The following BTBD8 variants were observed in gnomAD, a reference collection of about 807,000 sequenced individuals.
The protein encoded by BTBD8 is BTB/POZ domain-containing protein 8.
Under a neutral mutation model 162.9 loss-of-function variants are expected in BTBD8, and 110 were observed. The observed-to-expected ratio is 0.68, with a 90% confidence interval of 0.58 to 0.79. The LOEUF is 0.79. BTBD8 is among the 30% of genes least tolerant of loss of function. BTBD8 has a pLI of 0.00. For synonymous variants in BTBD8, 667 were observed against 716.1 expected (o/e 0.93, Z 1.10); for missense variants, 1,905 against 2,085.4 (o/e 0.91, Z 1.68).
chr1:92,135,322 A>G (rs1649610256), intron 5 of BTBD8, among the ~76,000 whole-genome samples: 1 of 152,214 alleles, frequency 6.6e-6, no homozygotes, highest in Non-Finnish European at 1.5e-5. Context: ...AGTAGCTGGG[A>G]TTACAGGCGT....
chr1:92,176,746 G>C (rs1650720995), intron 13 of BTBD8, 83 bp from the exon 14 acceptor site: 1 of 677,364 alleles, frequency 1.5e-6, no homozygotes, highest in Non-Finnish European at 2.2e-6. Flanking sequence ...TTTTTTCTTT[G>C]AAAGACTGGC....
rs1418468024 is a variant in BTBD8 at position 92,180,881 on chromosome 1, T to C, written c.3198T>C (p.Asp1066=). 2 of 1,551,702 alleles carry C rather than the reference T, an allele frequency of 1.3e-6. No homozygotes were observed. The highest frequency in any genetic ancestry group is 8.7e-7 in the Non-Finnish European group (1 of 1,146,982). ...ATCACAAAGAAACAGATGATTGCGA[T>C]GCAGCTAACATATGTTGTCATTCTG... is the stretch of plus-strand genomic sequence containing the variant. ...FPNHKETDDC[D]AANICCHSVG... The change falls in exon 17 of 18, where the codon GAT becomes GAC. Residue 1066 remains aspartate, a synonymous_variant. Coordinates refer to ENST00000636805, the MANE Select transcript of BTBD8 (RefSeq NM_001376131.1).
intron 4 of BTBD8, chr1:92,115,854 T>C (rs1357012458): frequency 6.2e-6 from 1 of 160,396 alleles, no homozygotes; most frequent in Non-Finnish European, 1.4e-5. Context: ...AAGGAGCAGA[T>C]GGCAAGGTTC....
rs1386589722 is a variant in BTBD8, at chr1:92,184,469, A to G, written c.*139A>G. The G allele has an allele frequency of 3.7e-6, 2 of 542,350 alleles. No homozygotes were observed. Among genetic ancestry groups the G allele is most frequent in the Non-Finnish European group, 6.3e-6 (2 of 315,406 alleles). The allele number at this position is 542,350 out of a possible 1,614,324, so 33.6% of individuals were successfully genotyped here. On this transcript the variant is annotated 3_prime_UTR_variant, in exon 18 of 18. Coordinates refer to ENST00000636805, the MANE Select transcript of BTBD8 (RefSeq NM_001376131.1). The stretch of plus-strand genomic sequence containing the variant: ...CAATTTAATGAGGTAAACATAGTTT[A>G]TTTATTAATATATCACATATAGAAA...
intron 1 of BTBD8, among the ~76,000 whole-genome samples, chr1:92,081,403 A>T (rs1258332200): frequency 6.6e-6 from 1 of 152,218 alleles, no homozygotes; most frequent in Non-Finnish European, 1.5e-5. Context: ...TAGAAATATG[A>T]CCTAGCTAAT....
intron 2 of BTBD8, among the ~76,000 whole-genome samples, chr1:92,096,831 TG>T (rs765173435): frequency 3.9e-5 from 6 of 152,176 alleles, no homozygotes; most frequent in Non-Finnish European, 5.9e-5. Flanking sequence ...AGCCATAGCG[TG>T]TGGCCAATCA....
chr1:92,165,693 G>T (rs999406172), intron 9 of BTBD8, among the ~76,000 whole-genome samples: 1 of 152,038 alleles, frequency 6.6e-6, no homozygotes. Context: ...TGCCTGTGGC[G>T]GCTGCATTCA....
chr1:92,116,820 A>G (rs1478862144), intron 4 of BTBD8, among the ~76,000 whole-genome samples: 1 of 151,012 alleles, frequency 6.6e-6, no homozygotes, highest in African/African-American at 2.4e-5. Flanking sequence ...GTAATAATGT[A>G]GTTATTAATA....
rs1650856921 is a variant in BTBD8 at position 92,180,614 on chromosome 1, C to T, written c.2931C>T (p.Asn977=). 5.8e-6 allele frequency: 9 copies of T among 1,550,674 alleles called. No individual in the cohort carries two copies. The East Asian group carries it at 7.3e-5, about 13-fold the overall frequency. Residue 977 remains asparagine (N), a synonymous_variant, in exon 17 of 18, where the codon AAC becomes AAT. Transcript: ENST00000636805. The part of the protein sequence containing the change: ...KSMFHDVRDN[N]NKDSVSEQKP... ...TGTTTCATGATGTGCGTGATAATAA[C>T]AACAAGGACAGTGTTTCTGAACAGA... is the stretch of plus-strand genomic sequence containing the variant.
At chr1:92,171,113 A>G (rs1650530116) in intron 12 of BTBD8, among the ~76,000 whole-genome samples, 2 of 152,066 alleles carry the variant, frequency 1.3e-5, no homozygotes, top group South Asian at 4.1e-4. Context: ...GAAAATTCTC[A>G]TGTTTTTCTA....
chr1:92,129,340 T>C (rs1466278138), intron 4 of BTBD8, among the ~76,000 whole-genome samples: 1 of 151,948 alleles, frequency 6.6e-6, no homozygotes, highest in African/African-American at 2.4e-5. Context: ...AAAATCAAGT[T>C]GAGTGTGATA....
chr1:92,090,156 G>A (rs1263779901), intron 2 of BTBD8, among the ~76,000 whole-genome samples: 1 of 152,072 alleles, frequency 6.6e-6, no homozygotes, highest in Non-Finnish European at 1.5e-5. Context: ...TATATACCTA[G>A]GAGTGGGATT....
intron 4 of BTBD8, chr1:92,126,282 C>T: frequency 1.7e-6 from 1 of 600,258 alleles, no homozygotes; most frequent in South Asian, 1.4e-5. Context: ...AAGATTGGGG[C>T]CTTCTGATTA....
chr1:92,180,419 T>TAA lies in BTBD8; in HGVS notation c.2737_2738dup (p.Asn913LysfsTer5). On this transcript the variant is annotated frameshift_variant, in exon 17 of 18. Transcript: ENST00000636805. LOFTEE classifies it high-confidence loss of function. Reference sequence around the variant, plus strand: ...AAGTACACACAGCTTTGCCTAAGGTTAATGCAAAAATAGTGGCAATGCCTA... The same window carrying TAA: ...AAGTACACACAGCTTTGCCTAAGGTTAAAATGCAAAAATAGTGGCAATGCCTA... 6.4e-7 allele frequency: 1 copy of TAA among 1,551,478 alleles called. No individual in the cohort carries two copies. Among genetic ancestry groups the TAA allele is most frequent in the African/African-American group, 1.4e-5 (1 of 73,130 alleles).
intron 12 of BTBD8, among the ~76,000 whole-genome samples, chr1:92,169,266 A>G (rs1650469020): frequency 6.6e-6 from 1 of 152,232 alleles, no homozygotes; most frequent in African/African-American, 2.4e-5. Flanking sequence ...TTTGCTTACA[A>G]GCATTCTTGT....
intron 4 of BTBD8, among the ~76,000 whole-genome samples, chr1:92,128,025 T>C (rs1649405964): frequency 1.3e-5 from 2 of 152,236 alleles, no homozygotes; most frequent in African/African-American, 2.4e-5. Flanking sequence ...TAGCAAACTT[T>C]TTAAAAAGTG....
intron 3 of BTBD8, among the ~76,000 whole-genome samples, chr1:92,105,697 G>A (rs1245559534): frequency 6.6e-6 from 1 of 152,224 alleles, no homozygotes; most frequent in South Asian, 2.1e-4. Flanking sequence ...AAAGAAAAAC[G>A]TTAGATAAAA....
At chr1:92,115,010 C>G (rs1648995624) in intron 4 of BTBD8, 1 of 299,412 alleles carries the variant, frequency 3.3e-6, no homozygotes, top group Admixed American at 4.3e-5. Flanking sequence ...AGGGCCCCCT[C>G]TGATGCTGCT....
At chr1:92,178,038 A>T (rs1650772227) in intron 15 of BTBD8, 140 bp downstream of exon 15, 2 of 571,746 alleles carry the variant, frequency 3.5e-6, no homozygotes, top group Non-Finnish European at 6.1e-6. Context: ...ACAGTTTTTT[A>T]TTTATTAAAA....
Sources: gnomAD v4.1 joint callset for allele counts (sites outside exome capture counted in the v4.1 genomes callset) on GRCh38, gnomAD v4.1.1 for gene constraint, MANE v1.5 for transcripts, NCBI Gene and HGNC (gene_info 2026-07-23, HGNC 2026-07-21) for gene names.